STX17: variants seen among roughly 807,000 people sequenced by gnomAD.
The protein encoded by STX17 is syntaxin 17.
In STX17, 29 loss-of-function variants were observed where a neutral mutation model predicts 35.9. That is an observed-to-expected ratio of 0.81 (90% confidence interval 0.60 to 1.10). The LOEUF (loss-of-function observed/expected upper bound fraction) is 1.10, where lower values mean the gene tolerates loss of function less well. STX17 is among the 50% of genes least tolerant of loss of function. The probability of loss-of-function intolerance (pLI) is 0.00; values close to 1 mark genes in which losing one functional copy is unlikely to be tolerated. For missense variants in STX17, 312 were observed against 352.3 expected (o/e 0.89, Z 0.92); for synonymous variants, 92 against 118.3 (o/e 0.78, Z 1.44).
intron 2 of STX17, among the ~76,000 whole-genome samples, chr9:99,924,989 C>T (rs1400100906): frequency 1.3e-5 from 2 of 152,104 alleles, no homozygotes; most frequent in African/African-American, 4.8e-5. Flanking sequence ...AATAAATGTT[C>T]AGTTTTTGTC....
intron 2 of STX17, 88 bp downstream of exon 2, chr9:99,915,450 A>C (rs2118308503): frequency 6.9e-7 from 1 of 1,458,276 alleles, no homozygotes; most frequent in East Asian, 2.4e-5. Context: ...AGAATATTAG[A>C]TAAGAGGCAT....
intron 4 of STX17, among the ~76,000 whole-genome samples, chr9:99,952,022 T>C (rs894577506): frequency 1.3e-5 from 2 of 152,062 alleles, no homozygotes; most frequent in African/African-American, 2.4e-5. Context: ...TTTTTAAACC[T>C]ATCCTAGCTT....
At chr9:99,943,558 C>T (rs1829412867) in intron 3 of STX17, among the ~76,000 whole-genome samples, 1 of 152,184 alleles carries the variant, frequency 6.6e-6, no homozygotes, top group Non-Finnish European at 1.5e-5. Context: ...ATCTGCCCAC[C>T]TTGGCCTCCC....
intron 6 of STX17, chr9:99,967,145 T>C (rs934175605): frequency 3.2e-5 from 5 of 158,570 alleles, no homozygotes; most frequent in African/African-American, 1.2e-4. Context: ...TCATAATAGA[T>C]CAAACCGTAT....
At chr9:99,940,597 G>C (rs1440749258) in intron 3 of STX17, among the ~76,000 whole-genome samples, 1 of 150,394 alleles carries the variant, frequency 6.6e-6, no homozygotes, top group Non-Finnish European at 1.5e-5. Context: ...CCCTGCCTCA[G>C]CCTCCCAAGT....
chr9:99,916,426 T>TTC (rs1828773037), intron 2 of STX17, among the ~76,000 whole-genome samples: 3 of 136,796 alleles, frequency 2.2e-5, no homozygotes, highest in African/African-American at 8.2e-5. Flanking sequence ...TTTATTTATT[T>TTC]ATTTATTCAT....
intron 6 of STX17, among the ~76,000 whole-genome samples, chr9:99,962,096 T>C (rs529284286): frequency 6.6e-6 from 1 of 152,212 alleles, no homozygotes; most frequent in Admixed American, 6.5e-5. Context: ...AACCCTTGCT[T>C]CTTTTGCATT....
intron 3 of STX17, among the ~76,000 whole-genome samples, chr9:99,934,701 T>A (rs1346037175): frequency 6.6e-6 from 1 of 152,198 alleles, no homozygotes; most frequent in Admixed American, 6.5e-5. Flanking sequence ...TTAATTATTA[T>A]GATACCAAAT....
chr9:99,953,157 A>G (rs1175759336), intron 4 of STX17, among the ~76,000 whole-genome samples: 2 of 151,926 alleles, frequency 1.3e-5, no homozygotes, highest in Non-Finnish European at 2.9e-5. Flanking sequence ...TTAATTTTAT[A>G]TTTTCAGTGC....
chr9:99,926,105 A>C (rs903671230), intron 2 of STX17, among the ~76,000 whole-genome samples: 1 of 151,988 alleles, frequency 6.6e-6, no homozygotes, highest in Admixed American at 6.5e-5. Context: ...CTTATCTGCT[A>C]TTAATCCCAT....
intron 4 of STX17, among the ~76,000 whole-genome samples, chr9:99,955,461 C>T (rs980400017): frequency 6.6e-6 from 1 of 151,894 alleles, no homozygotes; most frequent in African/African-American, 2.4e-5. Context: ...TGTAGATGAT[C>T]AGTAAATTAA....
Position 99,969,997 on chromosome 9 carries a change from A to T in STX17, c.*1324A>T, listed in dbSNP as rs1278596958. ...CCGCAGAAAGGCTTTAATACTGGAA[A>T]AAAAGAATTCAAGACTACAGGCAGC... On this transcript the variant is annotated 3_prime_UTR_variant, in exon 8 of 8. Transcript: ENST00000259400. The T allele has an allele frequency of 6.6e-6, 1 of 152,658 alleles. No individual in the cohort carries two copies. Among genetic ancestry groups the T allele is most frequent in the Admixed American group, 6.5e-5 (1 of 15,282 alleles). 9.5% of individuals were successfully genotyped at this position (152,658 alleles called of 1,614,324 possible). A position where few individuals can be genotyped will look rare whatever the true frequency, so the allele number is the denominator to read the frequency against.
intron 2 of STX17, among the ~76,000 whole-genome samples, chr9:99,926,884 G>T (rs759799777): frequency 2.0e-5 from 3 of 152,126 alleles, no homozygotes; most frequent in Non-Finnish European, 4.4e-5. Flanking sequence ...GCAATACTTT[G>T]GAGTATTCTA....
At chr9:99,957,650 GTTTTTGT>G (rs1171576272) in intron 4 of STX17, among the ~76,000 whole-genome samples, 8 of 122,296 alleles carry the variant, frequency 6.5e-5, no homozygotes, top group African/African-American at 2.5e-4. Context: ...TTATGTTATT[GTTTTTGT>G]TTTTTTTTTT....
At chr9:99,924,465 C>T (rs925390332) in intron 2 of STX17, among the ~76,000 whole-genome samples, 1 of 151,924 alleles carries the variant, frequency 6.6e-6, no homozygotes, top group Non-Finnish European at 1.5e-5. Context: ...GTTTCTAATG[C>T]ATTAGATTCA....
chr9:99,945,508 G>A lies in STX17; in HGVS notation c.190-5552G>A, dbSNP rs575721014. On this transcript the variant is annotated intron_variant, in intron 3 of 7. Coordinates refer to ENST00000259400, the MANE Select transcript of STX17 (RefSeq NM_017919.3). ...TTTTCTTTATGTTTTAGATACAATCGCTTAAGTTTTTTAAAATTCAGTCTA... is the reference window on the plus strand; with the variant it reads ...TTTTCTTTATGTTTTAGATACAATCACTTAAGTTTTTTAAAATTCAGTCTA... Among the ~76,000 whole-genome samples, 150 of 151,948 alleles carry A rather than the reference G, an allele frequency of 9.9e-4. 1 individual carries two copies. Among genetic ancestry groups the A allele is most frequent in the Non-Finnish European group, 1.7e-3 (114 of 67,976 alleles).
intron 6 of STX17, among the ~76,000 whole-genome samples, chr9:99,964,779 A>G (rs183521581): frequency 1.1e-4 from 16 of 152,246 alleles, no homozygotes; most frequent in South Asian, 4.2e-4. Flanking sequence ...TAGTGACCCA[A>G]TTCAGCTCTG....
intron 3 of STX17, among the ~76,000 whole-genome samples, chr9:99,940,097 C>T (rs1829319772): frequency 6.6e-6 from 1 of 152,074 alleles, no homozygotes; most frequent in Non-Finnish European, 1.5e-5. Context: ...CTTTAGATGC[C>T]ACTTTCTTTT....
intron 3 of STX17, among the ~76,000 whole-genome samples, chr9:99,940,616 T>C (rs1192492615): frequency 6.6e-6 from 1 of 151,728 alleles, no homozygotes; most frequent in Non-Finnish European, 1.5e-5. Flanking sequence ...GTAGCTAGGA[T>C]TACAGGCGCA....
Sources: gnomAD v4.1 joint callset for allele counts (sites outside exome capture counted in the v4.1 genomes callset) on GRCh38, gnomAD v4.1.1 for gene constraint, MANE v1.5 for transcripts, NCBI Gene and HGNC (gene_info 2026-07-23, HGNC 2026-07-21) for gene names.